SRGAP1: variants seen among roughly 807,000 people sequenced by gnomAD.
The protein encoded by SRGAP1 is SLIT-ROBO Rho GTPase activating protein 1.
A neutral mutation model predicts 121.9 loss-of-function variants in SRGAP1; 43 were observed. The ratio of observed to expected loss-of-function variants is 0.35; its 90% confidence interval spans 0.28 to 0.46. SRGAP1 has a LOEUF of 0.46. Among genes scored for constraint, SRGAP1 ranks in the 20% least tolerant of loss-of-function variants. SRGAP1 has a pLI of 1.00. For missense variants in SRGAP1, 1,102 were observed against 1,350.9 expected (o/e 0.82, Z 2.89); for synonymous variants, 447 against 485.4 (o/e 0.92, Z 1.04).
intron 1 of SRGAP1, among the ~76,000 whole-genome samples, chr12:63,864,355 C>T (rs993302078): frequency 1.3e-5 from 2 of 152,128 alleles, no homozygotes; most frequent in East Asian, 1.9e-4. Flanking sequence ...CATAATACCA[C>T]GTCCCATTTT....
chr12:63,845,857 C>G (rs1898886941), intron 1 of SRGAP1, among the ~76,000 whole-genome samples: 1 of 152,140 alleles, frequency 6.6e-6, no homozygotes, highest in African/African-American at 2.4e-5. Context: ...ATAAAGATTG[C>G]TATGTATACA....
At chr12:64,041,310 G>A (rs142268870) in intron 4 of SRGAP1, among the ~76,000 whole-genome samples, 40 of 151,980 alleles carry the variant, frequency 2.6e-4, no homozygotes, top group African/African-American at 8.2e-4. Flanking sequence ...AATTACAAAC[G>A]TAGGATGATC....
intron 1 of SRGAP1, among the ~76,000 whole-genome samples, chr12:63,945,064 A>C (rs898248311): frequency 2.0e-4 from 31 of 152,142 alleles, no homozygotes; most frequent in Non-Finnish European, 4.1e-4. Flanking sequence ...GCGTCCCCCA[A>C]GCCCCAGGAA....
chr12:64,078,868 TG>T (rs1268442423), intron 8 of SRGAP1, 50 bp from the exon 9 acceptor site: 5 of 1,579,346 alleles, frequency 3.2e-6, no homozygotes, highest in Non-Finnish European at 4.3e-6. Flanking sequence ...TCCCTGTTTG[TG>T]GGATTCATGA....
At chr12:63,966,875 G>A (rs1265645693) in intron 1 of SRGAP1, among the ~76,000 whole-genome samples, 1 of 152,190 alleles carries the variant, frequency 6.6e-6, no homozygotes, top group Non-Finnish European at 1.5e-5. Flanking sequence ...CTGGTTCCCA[G>A]ATTAGGAAAA....
intron 1 of SRGAP1, among the ~76,000 whole-genome samples, chr12:63,969,079 A>G (rs945977204): frequency 6.6e-6 from 1 of 152,212 alleles, no homozygotes; most frequent in African/African-American, 2.4e-5. Context: ...TCGTTTTCAC[A>G]GAGAAGGAAG....
intron 1 of SRGAP1, among the ~76,000 whole-genome samples, chr12:63,852,887 C>CT (rs1471711088): frequency 7.9e-5 from 12 of 151,880 alleles, no homozygotes. Context: ...CTCCCACACG[C>CT]TTTAGTACAG....
At chr12:63,977,772 T>C (rs2033132513) in intron 1 of SRGAP1, among the ~76,000 whole-genome samples, 1 of 152,206 alleles carries the variant, frequency 6.6e-6, no homozygotes, top group Admixed American at 6.5e-5. Context: ...TCCGTAGTGA[T>C]GCTCTGGTAG....
In SRGAP1 at chr12:64,143,225, C is replaced by T. The variant is rs2036996616; in HGVS notation, c.*553C>T. 6.5e-6 allele frequency: 1 copy of T among 153,776 alleles called. No individual in the cohort carries two copies. The highest frequency in any genetic ancestry group is 2.4e-5 in the African/African-American group (1 of 41,448). The allele number at this position is 153,776 out of a possible 1,614,324, so 9.5% of individuals were successfully genotyped here. A position where few individuals can be genotyped will look rare whatever the true frequency, so the allele number is the denominator to read the frequency against. ...CCAGTGGGACTGTCAGCCCACAGCT[C>T]GAGTGGGTTGGATGCTTGCCTCTTT... On this transcript the variant is annotated 3_prime_UTR_variant, in exon 22 of 22. Transcript: ENST00000355086.
intron 1 of SRGAP1, among the ~76,000 whole-genome samples, chr12:63,881,310 C>A (rs1179426354): frequency 6.6e-6 from 1 of 152,194 alleles, no homozygotes; most frequent in Non-Finnish European, 1.5e-5. Context: ...ACTAACATCA[C>A]TGGGATAGCA....
At chr12:64,057,617 A>G (rs1345439944) in intron 6 of SRGAP1, among the ~76,000 whole-genome samples, 4 of 152,182 alleles carry the variant, frequency 2.6e-5, no homozygotes, top group Admixed American at 1.3e-4. Context: ...TAAGGAGTGG[A>G]TAGAGTCTAT....
intron 5 of SRGAP1, among the ~76,000 whole-genome samples, 153 bp from the exon 6 acceptor site, chr12:64,043,294 A>G (rs572844622): frequency 6.6e-6 from 1 of 152,358 alleles, no homozygotes; most frequent in African/African-American, 2.4e-5. Flanking sequence ...TATTTAAATC[A>G]GATTCAAAAT....
At chr12:63,874,727 G>A (rs117900714) in intron 1 of SRGAP1, among the ~76,000 whole-genome samples, 5,679 of 152,112 alleles carry the variant, frequency 0.037, 149 homozygotes, top group Middle Eastern at 0.082. Context: ...AAATGAATGA[G>A]TATATAAAGT....
At chr12:63,939,955 C>G (rs1331473282) in intron 1 of SRGAP1, among the ~76,000 whole-genome samples, 1 of 151,768 alleles carries the variant, frequency 6.6e-6, no homozygotes, top group African/African-American at 2.4e-5. Flanking sequence ...CTTTCTATCT[C>G]TCTTTTCTTT....
intron 1 of SRGAP1, among the ~76,000 whole-genome samples, chr12:63,973,799 T>G (rs1321623091): frequency 2.0e-5 from 3 of 152,226 alleles, no homozygotes; most frequent in African/African-American, 7.2e-5. Context: ...AGTTTTCCAT[T>G]TTTAAAACTT....
rs34235730 is a variant in SRGAP1, at chr12:63,979,038, C to CTTTTTTTTT, written c.68-4893_68-4885dup. Among the ~76,000 whole-genome samples, 20 of 82,150 alleles carry CTTTTTTTTT rather than the reference C, an allele frequency of 2.4e-4. 1 individual carries two copies. Among genetic ancestry groups the CTTTTTTTTT allele is most frequent in the Admixed American group, 3.3e-4 (2 of 5,984 alleles). 53.9% of individuals were successfully genotyped at this position (82,150 alleles called of 152,430 possible). ...GAAATGTCTGTTGAGACCCTTTGAC[C>CTTTTTTTTT]TTTTTTTTTTTTTTTTTTTTTTTTG... On this transcript the variant is annotated intron_variant, in intron 1 of 21. Coordinates refer to ENST00000355086, the MANE Select transcript of SRGAP1 (RefSeq NM_020762.4).
intron 6 of SRGAP1, among the ~76,000 whole-genome samples, chr12:64,054,759 T>C (rs1029077750): frequency 4.6e-5 from 7 of 152,152 alleles, no homozygotes; most frequent in Non-Finnish European, 8.8e-5. Context: ...TATTATACTT[T>C]AAGTTTTAGG....
rs1373266858 is a variant in SRGAP1, at chr12:64,156,219, C to CT, written c.*13553dup. On this transcript the variant is annotated 3_prime_UTR_variant, in exon 22 of 22. Transcript: ENST00000355086. ...TATAAATTTTTAAAGACATTTTATT[C>CT]TTTTTTGTCTTCATCAGAATTTATT... The CT allele has an allele frequency of 6.6e-6, 1 of 152,108 alleles. No homozygotes were observed. The highest frequency in any genetic ancestry group is 1.5e-5 in the Non-Finnish European group (1 of 68,012). 9.4% of individuals were successfully genotyped at this position (152,108 alleles called of 1,614,324 possible).
intron 1 of SRGAP1, among the ~76,000 whole-genome samples, chr12:63,921,604 C>G (rs1443994744): frequency 6.6e-6 from 1 of 152,204 alleles, no homozygotes; most frequent in Non-Finnish European, 1.5e-5. Context: ...AACCCCTGCT[C>G]CCCTAACGTG....
Sources: allele counts gnomAD v4.1 joint callset (sites outside exome capture counted in the v4.1 genomes callset), GRCh38; gene constraint gnomAD v4.1.1; transcripts MANE v1.5; gene names NCBI Gene and HGNC (gene_info 2026-07-23, HGNC 2026-07-21).